CNIH3: variants seen among roughly 807,000 people sequenced by gnomAD.
CNIH3 encodes the protein cornichon family AMPA receptor auxiliary protein 3.
In CNIH3, 14 loss-of-function variants were observed where a neutral mutation model predicts 24.1. The ratio of observed to expected loss-of-function variants is 0.58; its 90% CI spans 0.38 to 0.91. The LOEUF is 0.91. Ranked by LOEUF, CNIH3 falls within the 40% of genes least tolerant of loss-of-function variation. The probability of loss-of-function intolerance (pLI) is 0.00; values close to 1 mark genes in which losing one functional copy is unlikely to be tolerated. For missense variants in CNIH3, 178 were observed against 196.8 expected (o/e 0.90, Z 0.57); for synonymous variants, 68 against 73.8 (o/e 0.92, Z 0.40).
At chr1:224,448,118 TC>T in intron 1 of CNIH3, among the ~76,000 whole-genome samples, 1 of 152,148 alleles carries the variant, frequency 6.6e-6, no homozygotes, top group Non-Finnish European at 1.5e-5. Flanking sequence ...ATGCCTGCAG[TC>T]CCAGCTGCTT....
intron 2 of CNIH3, among the ~76,000 whole-genome samples, chr1:224,523,423 T>G (rs1218588501): frequency 1.3e-5 from 2 of 152,210 alleles, no homozygotes; most frequent in African/African-American, 4.8e-5. Context: ...GATATAATTT[T>G]GAGTGAAAGA....
intron 3 of CNIH3, among the ~76,000 whole-genome samples, chr1:224,551,463 A>G (rs1679918423): frequency 6.6e-6 from 1 of 152,210 alleles, no homozygotes; most frequent in Admixed American, 6.5e-5. Context: ...CGTTAATATC[A>G]CAGTGGACAA....
At chr1:224,515,174 G>A (rs564511883), upstream of CNIH3, among the ~76,000 whole-genome samples, 14 of 152,308 alleles carry the variant, frequency 9.2e-5, no homozygotes, top group South Asian at 2.1e-3. Context: ...GGGTCTGGGC[G>A]GGGGTCTAGG....
At chr1:224,482,001 G>A (rs1308058222) in intron 1 of CNIH3, among the ~76,000 whole-genome samples, 1 of 152,134 alleles carries the variant, frequency 6.6e-6, no homozygotes, top group Non-Finnish European at 1.5e-5. Context: ...GCAGGCAGAG[G>A]AGTCTCTCCT....
At chr1:224,634,864 G>A (rs570641864) in intron 1 of CNIH3, among the ~76,000 whole-genome samples, 6 of 152,238 alleles carry the variant, frequency 3.9e-5, no homozygotes, top group Non-Finnish European at 7.4e-5. Flanking sequence ...AATATGCCCC[G>A]CTGCATCCCC....
intron 1 of CNIH3, among the ~76,000 whole-genome samples, chr1:224,501,856 C>G (rs946460723): frequency 1.9e-4 from 29 of 149,232 alleles, no homozygotes; most frequent in African/African-American, 6.2e-4. Flanking sequence ...GCTAGGATTA[C>G]AGGCGTGAGC....
chr1:224,611,721 A>G (rs1380173029), upstream of CNIH3: 1 of 152,220 alleles, frequency 6.6e-6, no homozygotes, highest in East Asian at 1.9e-4. Flanking sequence ...TAGAGAAAAC[A>G]ATGTAGGTTG....
chr1:224,589,035 G>A (rs12567092), downstream of CNIH3, among the ~76,000 whole-genome samples: 17 of 140,944 alleles, frequency 1.2e-4, no homozygotes, highest in Admixed American at 6.4e-4. Context: ...AGATCCCTGC[G>A]AGAATGGATT....
At chr1:224,574,459 A>G (rs548933940) in intron 4 of CNIH3, 127 of 639,544 alleles carry the variant, frequency 2.0e-4, no homozygotes, top group African/African-American at 1.9e-3. Flanking sequence ...GTGCTCAACA[A>G]TGGCACCAAG....
At chr1:224,664,009 G>C (rs893545888) in intron 1 of CNIH3, among the ~76,000 whole-genome samples, 2 of 152,192 alleles carry the variant, frequency 1.3e-5, no homozygotes, top group Non-Finnish European at 2.9e-5. Flanking sequence ...GCCAATTACC[G>C]AGACAATGAA....
At chr1:224,500,679 G>GAA in intron 1 of CNIH3, among the ~76,000 whole-genome samples, 1 of 148,302 alleles carries the variant, frequency 6.7e-6, no homozygotes, top group African/African-American at 2.5e-5. Context: ...AAAAAGCAAA[G>GAA]AAAAAAAAAA....
At chr1:224,494,184 T>A (rs1232036171) in intron 1 of CNIH3, among the ~76,000 whole-genome samples, 7 of 152,188 alleles carry the variant, frequency 4.6e-5, no homozygotes, top group African/African-American at 1.7e-4. Context: ...GTATTTCACA[T>A]CCCTTATTGA....
At chr1:224,686,702 A>C (rs901090346) in intron 3 of CNIH3, among the ~76,000 whole-genome samples, 1 of 152,244 alleles carries the variant, frequency 6.6e-6, no homozygotes, top group Non-Finnish European at 1.5e-5. Flanking sequence ...ACAATGTTCC[A>C]TATCCATCAC....
chr1:224,471,423 G>C (rs1572312168), intron 1 of CNIH3, among the ~76,000 whole-genome samples: 1 of 151,984 alleles, frequency 6.6e-6, no homozygotes, highest in African/African-American at 2.4e-5. Flanking sequence ...CCCAGCTTCT[G>C]GTAACCATCA....
At chr1:224,499,395 C>G (rs1677564613) in intron 1 of CNIH3, among the ~76,000 whole-genome samples, 1 of 152,134 alleles carries the variant, frequency 6.6e-6, no homozygotes, top group Non-Finnish European at 1.5e-5. Context: ...ATGTGGACAT[C>G]TGGAGATATT....
At chr1:224,655,106 G>C (rs1330503858) in intron 1 of CNIH3, among the ~76,000 whole-genome samples, 1 of 152,174 alleles carries the variant, frequency 6.6e-6, no homozygotes, top group Non-Finnish European at 1.5e-5. Flanking sequence ...CCATGAAGCT[G>C]TTACCACCCC....
At chr1:224,672,243 G>C (rs1268808704) in intron 1 of CNIH3, among the ~76,000 whole-genome samples, 1 of 152,108 alleles carries the variant, frequency 6.6e-6, no homozygotes, top group Non-Finnish European at 1.5e-5. Flanking sequence ...ATAAAAGCCT[G>C]CTTCCCTGGG....
At chr1:224,484,027 C>T (rs545166953) in intron 1 of CNIH3, among the ~76,000 whole-genome samples, 27 of 151,858 alleles carry the variant, frequency 1.8e-4, no homozygotes, top group South Asian at 2.1e-4. Flanking sequence ...AAAAATTAGC[C>T]GGGTGTGGTG....
chr1:224,538,437 G>C (rs781219576), downstream of CNIH3, among the ~76,000 whole-genome samples: 4 of 152,144 alleles, frequency 2.6e-5, no homozygotes, highest in Admixed American at 2.6e-4. Flanking sequence ...TTCCTAAGGA[G>C]AGACCCTGTT....
Sources: allele counts gnomAD v4.1 joint callset (sites outside exome capture counted in the v4.1 genomes callset), GRCh38; gene constraint gnomAD v4.1.1; transcripts MANE v1.5; gene names NCBI Gene and HGNC (gene_info 2026-07-23, HGNC 2026-07-21).